UBTD2: variants seen among roughly 807,000 people sequenced by gnomAD.
The protein encoded by UBTD2 is ubiquitin domain-containing protein 2.
A neutral mutation model predicts 19.8 loss-of-function variants in UBTD2; 9 were observed. The observed-to-expected ratio is 0.46, with a 90% CI of 0.27 to 0.79. The LOEUF (loss-of-function observed/expected upper bound fraction) is 0.79. Among genes scored for constraint, UBTD2 ranks in the 30% least tolerant of loss-of-function variants. The pLI is 0.14. For missense variants in UBTD2, 250 were observed against 300.4 expected (o/e 0.83, Z 1.24); for synonymous variants, 98 against 103.9 (o/e 0.94, Z 0.35).
At chr5:172,224,043 T>C (rs535440943) in intron 2 of UBTD2, among the ~76,000 whole-genome samples, 2 of 152,272 alleles carry the variant, frequency 1.3e-5, no homozygotes, top group African/African-American at 4.8e-5. Context: ...TGGTGGTGAC[T>C]GAGAGAAGTT....
chr5:172,226,712 G>A (rs1404797709), intron 2 of UBTD2, among the ~76,000 whole-genome samples: 12 of 152,134 alleles, frequency 7.9e-5, no homozygotes, highest in South Asian at 2.1e-4. Context: ...CAGTTTTTCA[G>A]GATTGTAGAG....
At chr5:172,277,549 T>C (rs1334161797) in intron 1 of UBTD2, among the ~76,000 whole-genome samples, 1 of 151,682 alleles carries the variant, frequency 6.6e-6, no homozygotes, top group Non-Finnish European at 1.5e-5. Context: ...TCTACAAAAA[T>C]TTAAAAATTA....
chr5:172,268,848 T>G (rs7706438), intron 1 of UBTD2, among the ~76,000 whole-genome samples: 49,101 of 152,022 alleles, frequency 0.32, 8,015 homozygotes, highest in South Asian at 0.42. Flanking sequence ...GATCTGATTT[T>G]GGGGAAAAAA....
chr5:172,256,636 AGCGGCCAG>A (rs1198034874), intron 1 of UBTD2, among the ~76,000 whole-genome samples: 1 of 151,874 alleles, frequency 6.6e-6, no homozygotes, highest in African/African-American at 2.4e-5. Context: ...AGTTTCTAAA[AGCGGCCAG>A]GCGAGGTGGT....
chr5:172,216,123 C>T (rs562360459), intron 2 of UBTD2, among the ~76,000 whole-genome samples: 5 of 151,848 alleles, frequency 3.3e-5, no homozygotes, highest in East Asian at 3.9e-4. Context: ...GCTGAGATTG[C>T]GCCACTGCAC....
intron 1 of UBTD2, among the ~76,000 whole-genome samples, chr5:172,275,226 C>T (rs1755583482): frequency 6.6e-6 from 1 of 152,176 alleles, no homozygotes; most frequent in Admixed American, 6.5e-5. Context: ...GATAAAACCA[C>T]AAATCTTGTG....
intron 1 of UBTD2, among the ~76,000 whole-genome samples, chr5:172,263,851 C>CTTTGTGTGTGTGTGTGTGTGTG: frequency 7.0e-6 from 1 of 142,344 alleles, no homozygotes; most frequent in South Asian, 2.4e-4. Context: ...GCACGTGCCT[C>CTTTGTGTGTGTGTGTGTGTGTG]TGTGTGTGTG....
chr5:172,259,212 G>A (rs995513933), intron 1 of UBTD2, among the ~76,000 whole-genome samples: 11 of 151,914 alleles, frequency 7.2e-5, no homozygotes, highest in Admixed American at 1.3e-4. Flanking sequence ...GTGCCACCTC[G>A]GCTGACTGCA....
chr5:172,229,835 GT>G (rs573493099), intron 2 of UBTD2, among the ~76,000 whole-genome samples: 1 of 152,016 alleles, frequency 6.6e-6, no homozygotes, highest in Non-Finnish European at 1.5e-5. Context: ...AATACTACTT[GT>G]TTTTTTCTTA....
At chr5:172,246,441 CTTTTTTTT>C (rs36037402) in intron 1 of UBTD2, among the ~76,000 whole-genome samples, 1 of 85,072 alleles carries the variant, frequency 1.2e-5, no homozygotes, top group African/African-American at 5.1e-5. Flanking sequence ...ATTGAGATTG[CTTTTTTTT>C]TTTTTTTTTT....
chr5:172,242,006 A>G (rs1772140579), intron 1 of UBTD2, among the ~76,000 whole-genome samples: 6 of 152,256 alleles, frequency 3.9e-5, no homozygotes, highest in Admixed American at 3.9e-4. Flanking sequence ...CAACAGAGGA[A>G]GACCCTCATG....
intron 1 of UBTD2, among the ~76,000 whole-genome samples, chr5:172,256,134 CA>C (rs1443321685): frequency 6.6e-6 from 1 of 151,924 alleles, no homozygotes; most frequent in Non-Finnish European, 1.5e-5. Flanking sequence ...ATAGCAAGGT[CA>C]AAGAAATACT....
At chr5:172,261,364 C>A (rs1264130611) in intron 1 of UBTD2, among the ~76,000 whole-genome samples, 7 of 152,216 alleles carry the variant, frequency 4.6e-5, no homozygotes, top group Admixed American at 4.6e-4. Context: ...CTTTATTAAT[C>A]TTTCTACAGA....
At chr5:172,269,905 G>A (rs928221460) in intron 1 of UBTD2, among the ~76,000 whole-genome samples, 6 of 151,556 alleles carry the variant, frequency 4.0e-5, no homozygotes, top group South Asian at 4.2e-4. Context: ...GTGAAACTCC[G>A]TCTCTACTAA....
chr5:172,232,925 T>G (rs999386313), intron 2 of UBTD2, among the ~76,000 whole-genome samples: 7 of 151,924 alleles, frequency 4.6e-5, no homozygotes, highest in African/African-American at 1.7e-4. Context: ...GCGGATCACC[T>G]GAGGTCAGGA....
intron 1 of UBTD2, among the ~76,000 whole-genome samples, chr5:172,266,178 G>A (rs1227585699): frequency 1.3e-5 from 2 of 152,078 alleles, no homozygotes; most frequent in South Asian, 2.1e-4. Context: ...TGATCCACTC[G>A]CCTCGGCCTC....
At chr5:172,263,145 G>A (rs1216227327) in intron 1 of UBTD2, among the ~76,000 whole-genome samples, 1 of 152,000 alleles carries the variant, frequency 6.6e-6, no homozygotes, top group African/African-American at 2.4e-5. Flanking sequence ...TGCCCAGGCT[G>A]GTCTTGAACT....
chr5:172,236,394 G>C (rs1469240203), intron 1 of UBTD2, among the ~76,000 whole-genome samples: 1 of 152,172 alleles, frequency 6.6e-6, no homozygotes, highest in South Asian at 2.1e-4. Context: ...CTACAGATGT[G>C]CCTATTACAT....
intron 2 of UBTD2, among the ~76,000 whole-genome samples, chr5:172,228,752 A>C (rs183800775): frequency 6.6e-6 from 1 of 152,104 alleles, no homozygotes; most frequent in African/African-American, 2.4e-5. Flanking sequence ...ACAAATAAAT[A>C]AAAACAACAT....
Sources: allele counts gnomAD v4.1 joint callset (sites outside exome capture counted in the v4.1 genomes callset), GRCh38; gene constraint gnomAD v4.1.1; transcripts MANE v1.5; gene names NCBI Gene and HGNC (gene_info 2026-07-23, HGNC 2026-07-21).